Variants in ATM observed in about 807,000 individuals in gnomAD.
ATM encodes serine-protein kinase ATM.
A neutral mutation model predicts 387.0 loss-of-function variants in ATM; 308 were observed. That is an observed-to-expected ratio of 0.80 (90% CI 0.73 to 0.87). ATM has a LOEUF of 0.87. ATM is among the 40% of genes least tolerant of loss of function. The pLI is 0.00. For missense variants in ATM, 3,312 were observed against 3,560.9 expected, an observed-to-expected ratio of 0.93 and a Z score of 1.78; for synonymous variants, 1,156 against 1,187.3, an observed-to-expected ratio of 0.97 and a Z score of 0.54.
rs773012957 is a variant in ATM, at chr11:108,293,305, ATATTTAGG to A, written c.4612-3_4616del. 2.1e-6 allele frequency: 3 copies of A among 1,462,586 alleles called. No individual in the cohort carries two copies. Among genetic ancestry groups the A allele is most frequent in the Non-Finnish European group, 2.8e-6 (3 of 1,072,380 alleles). 90.6% of individuals were successfully genotyped at this position (1,462,586 alleles called of 1,614,324 possible). A position where few individuals can be genotyped will look rare whatever the true frequency, so the allele number is the denominator to read the frequency against. ...CCTTATAATTTTTTCTTTTTAAATT[ATATTTAGG>A]TATTGGACTTGTTGAAATACTTAGT... is the stretch of plus-strand genomic sequence containing the variant. On this transcript the variant is annotated splice_acceptor_variant and splice_polypyrimidine_tract_variant and coding_sequence_variant and intron_variant, in exon 31 of 63. Transcript: ENST00000675843. LOFTEE classifies it high-confidence loss of function.
intron 49 of ATM, among the ~76,000 whole-genome samples, chr11:108,329,975 G>C (rs774995942): frequency 2.0e-5 from 3 of 152,194 alleles, no homozygotes; most frequent in Non-Finnish European, 4.4e-5. Flanking sequence ...GTAAGCAGAG[G>C]TGTAAGTTAG....
At chr11:108,267,015 C>T (rs1208667235) in intron 16 of ATM, among the ~76,000 whole-genome samples, 156 bp from the exon 17 acceptor site, 4 of 152,024 alleles carry the variant, frequency 2.6e-5, no homozygotes, top group African/African-American at 9.7e-5. Flanking sequence ...AGGCTGGTTT[C>T]GAACTCCCGA....
At chr11:108,330,072 C>T in intron 49 of ATM, 142 bp from the exon 50 acceptor site, 1 of 830,338 alleles carries the variant, frequency 1.2e-6, no homozygotes, top group Non-Finnish European at 1.9e-6. Flanking sequence ...TAAGTTTATT[C>T]CCTTTATAAT....
At chr11:108,323,786 T>G (rs555459390) in intron 45 of ATM, among the ~76,000 whole-genome samples, 1 of 152,166 alleles carries the variant, frequency 6.6e-6, no homozygotes, top group East Asian at 1.9e-4. Context: ...AGAGGGAAGG[T>G]TGGATGAACT....
intron 11 of ATM, 133 bp downstream of exon 11, chr11:108,252,164 ATAT>A (rs2080190659): frequency 5.0e-6 from 4 of 795,786 alleles, no homozygotes; most frequent in Non-Finnish European, 7.8e-6. Context: ...TAATTATTAA[ATAT>A]TATGTTTGTT....
At position 108,253,952 on chromosome 11, in the gene ATM, C is replaced by T. The variant is rs2135369641; in HGVS notation, c.2037C>T (p.Gly679=). ...TAGAAAAGCACCAGTCCAGTATTGG[C>T]TTCTCTGTCCACCAGAATCTCAAGG... ...CGIEKHQSSI[G]FSVHQNLKES... Residue 679 remains glycine (G), a synonymous_variant, in exon 13 of 63, where the codon GGC becomes GGT. Coordinates refer to ENST00000675843, the MANE Select transcript of ATM (RefSeq NM_000051.4). 1 of 1,614,072 alleles carries T rather than the reference C, an allele frequency of 6.2e-7. No individual in the cohort carries two copies. Among genetic ancestry groups the T allele is most frequent in the Non-Finnish European group, 8.5e-7 (1 of 1,179,982 alleles).
At chr11:108,244,633 ATT>A (rs11298747) in intron 6 of ATM, among the ~76,000 whole-genome samples, 153 bp from the exon 7 acceptor site, 60 of 150,784 alleles carry the variant, frequency 4.0e-4, no homozygotes, top group Non-Finnish European at 5.6e-4. Flanking sequence ...TAATGCTGTG[ATT>A]TTTTTTTTTA....
At chr11:108,344,589 A>G (rs2088056323) in intron 57 of ATM, among the ~76,000 whole-genome samples, 1 of 152,160 alleles carries the variant, frequency 6.6e-6, no homozygotes, top group Non-Finnish European at 1.5e-5. Context: ...ATTTTTGAGA[A>G]TGCAAACTGG....
At chr11:108,256,176 T>C in intron 13 of ATM, 39 bp from the exon 14 acceptor site, 1 of 1,477,200 alleles carries the variant, frequency 6.8e-7, no homozygotes, top group Non-Finnish European at 9.1e-7. Flanking sequence ...CTAAATTATT[T>C]ATGAAATATA....
At position 108,332,917 on chromosome 11, in the gene ATM, GA is replaced by G. The variant is rs1338419767; in HGVS notation, c.7927+19del. On this transcript the variant is annotated intron_variant, in intron 53 of 62. Coordinates refer to ENST00000675843, the MANE Select transcript of ATM (RefSeq NM_000051.4). ...CTCAGAGAAGTATGTTTTTTTTAAA[GA>G]AGAAACGTTACTTTCTTGCTGTGTT... 6.2e-7 allele frequency: 1 copy of G among 1,607,722 alleles called. No homozygotes were observed. The highest frequency in any genetic ancestry group is 1.7e-5 in the Admixed American group (1 of 59,956).
chr11:108,263,721 G>A (rs962744424), intron 16 of ATM, among the ~76,000 whole-genome samples: 1 of 147,226 alleles, frequency 6.8e-6, no homozygotes, highest in Non-Finnish European at 1.5e-5. Context: ...CAACAAAATT[G>A]ATAGACCGCT....
At chr11:108,324,598 T>C (rs1306878214) in intron 45 of ATM, among the ~76,000 whole-genome samples, 1 of 152,168 alleles carries the variant, frequency 6.6e-6, no homozygotes, top group Non-Finnish European at 1.5e-5. Flanking sequence ...CTAGCATTTT[T>C]GTTACTGTTC....
intron 4 of ATM, chr11:108,230,170 C>G (rs1358892736): frequency 3.9e-5 from 6 of 152,330 alleles, no homozygotes; most frequent in African/African-American, 1.4e-4. Flanking sequence ...AATCCCAGCA[C>G]TTTGGGAGGC....
Position 108,317,658 on chromosome 11 carries a change from C to T in ATM, c.6347+137C>T, listed in dbSNP as rs1334189795. The T allele has an allele frequency of 1.8e-3, 339 of 188,692 alleles. 3 individuals are homozygous for T. The highest frequency in any genetic ancestry group is 0.01 in the African/African-American group (289 of 27,670). The allele number at this position is 188,692 out of a possible 1,614,324, so 11.7% of individuals were successfully genotyped here. Reference sequence around the variant, plus strand: ...ATATATATATATATATATATACACACACACACACACACACACTATATATAT... The same window carrying T: ...ATATATATATATATATATATACACATACACACACACACACACTATATATAT... On this transcript the variant is annotated intron_variant, in intron 43 of 62. Coordinates refer to ENST00000675843, the MANE Select transcript of ATM (RefSeq NM_000051.4).
chr11:108,321,541 A>G, intron 45 of ATM, 121 bp downstream of exon 45: 9 of 1,420,944 alleles, frequency 6.3e-6, no homozygotes, highest in South Asian at 1.2e-5. Context: ...CTAGCACTTT[A>G]GAAGGCTGAA....
rs577232762 is a variant in ATM at position 108,277,710 on chromosome 11, C to A, written c.3285-1781C>A. ...TTTGACTCTCCCTCCGTGGGCTGCA[C>A]CCACTGTCTAACCAGTCCCAATGAG... On this transcript the variant is annotated intron_variant, in intron 22 of 62. Coordinates refer to ENST00000675843, the MANE Select transcript of ATM (RefSeq NM_000051.4). Among the ~76,000 whole-genome samples, 4 of 152,284 alleles carry A rather than the reference C, an allele frequency of 2.6e-5. No individual in the cohort carries two copies. The South Asian group carries it at 8.3e-4, about 32-fold the overall frequency.
intron 4 of ATM, 77 bp from the exon 5 acceptor site, chr11:108,235,593 A>T (rs1285807596): frequency 4.6e-6 from 6 of 1,309,960 alleles, no homozygotes; most frequent in African/African-American, 1.5e-5. Flanking sequence ...AAATGGAATT[A>T]TTTAAATAGT....
At chr11:108,322,186 G>A (rs1307012971) in intron 45 of ATM, among the ~76,000 whole-genome samples, 4 of 151,666 alleles carry the variant, frequency 2.6e-5, no homozygotes, top group South Asian at 2.1e-4. Flanking sequence ...ACCAAGTCTC[G>A]CTCTGTTGCC....
At position 108,343,383 on chromosome 11, in the gene ATM, C is replaced by T. The variant is rs2136954876; in HGVS notation, c.8418+12C>T. On this transcript the variant is annotated intron_variant, in intron 57 of 62. Coordinates refer to ENST00000675843, the MANE Select transcript of ATM (RefSeq NM_000051.4). ...AAAAGAAAATGATGGTGAGTGACACCCAAAATTAAAGGTTATTGTAAGATT... is the reference window on the plus strand; with the variant it reads ...AAAAGAAAATGATGGTGAGTGACACTCAAAATTAAAGGTTATTGTAAGATT... 1 of 1,613,342 alleles carries T rather than the reference C, an allele frequency of 6.2e-7. No individual in the cohort carries two copies. Among genetic ancestry groups the T allele is most frequent in the Non-Finnish European group, 8.5e-7 (1 of 1,179,628 alleles).
Sources: allele counts gnomAD v4.1 joint callset (sites outside exome capture counted in the v4.1 genomes callset), GRCh38; gene constraint gnomAD v4.1.1; transcripts MANE v1.5; gene names NCBI Gene and HGNC (gene_info 2026-07-23, HGNC 2026-07-21).